GPALPP1: variants seen among roughly 807,000 people sequenced by gnomAD.
The protein encoded by GPALPP1 is GPALPP motifs-containing protein 1.
Under a neutral mutation model 38.9 loss-of-function variants are expected in GPALPP1, and 30 were observed. The ratio of observed to expected loss-of-function variants is 0.77; its 90% confidence interval spans 0.58 to 1.05. GPALPP1 has a LOEUF of 1.05. Among genes scored for constraint, GPALPP1 ranks in the 50% least tolerant of loss-of-function variants. GPALPP1 has a pLI of 0.00. For missense variants in GPALPP1, 384 were observed against 408.8 expected, an observed-to-expected ratio of 0.94 and a Z score of 0.52; for synonymous variants, 120 against 139.2, an observed-to-expected ratio of 0.86 and a Z score of 0.97.
chr13:45,006,367 G>T, intron 3 of GPALPP1, 64 bp downstream of exon 3: 3 of 749,278 alleles, frequency 4.0e-6, no homozygotes, highest in Non-Finnish European at 6.7e-6. Flanking sequence ...AATCTTTAAT[G>T]AATTAAAGAA....
intron 4 of GPALPP1, among the ~76,000 whole-genome samples, 183 bp from the exon 5 acceptor site, chr13:45,014,769 G>T (rs1874713996): frequency 6.6e-6 from 1 of 152,202 alleles, no homozygotes; most frequent in Non-Finnish European, 1.5e-5. Flanking sequence ...TGTCATCTCT[G>T]TGCTAGGCAC....
chr13:45,014,856 G>A (rs1384735118), intron 4 of GPALPP1, 96 bp from the exon 5 acceptor site: 6 of 979,934 alleles, frequency 6.1e-6, no homozygotes, highest in Non-Finnish European at 8.8e-6. Context: ...TATTTTTTAT[G>A]GATAATAAGT....
At chr13:44,996,760 G>A (rs1363588190) in intron 1 of GPALPP1, among the ~76,000 whole-genome samples, 1 of 149,716 alleles carries the variant, frequency 6.7e-6, no homozygotes, top group Non-Finnish European at 1.5e-5. Context: ...TGGGATTACA[G>A]GCGTGAGCCA....
Position 44,989,640 on chromosome 13 carries a change from T to C in GPALPP1, c.-15T>C, listed in dbSNP as rs752586116. 6.2e-7 allele frequency: 1 copy of C among 1,606,362 alleles called. No homozygotes were observed. The highest frequency in any genetic ancestry group is 1.7e-5 in the Admixed American group (1 of 59,946). ...TGGATAGACTCATATCTGTGACCAGTGTCCGCCACCGCGGATGGCAAGAGA... is the reference window on the plus strand; with the variant it reads ...TGGATAGACTCATATCTGTGACCAGCGTCCGCCACCGCGGATGGCAAGAGA... On this transcript the variant is annotated 5_prime_UTR_variant, in exon 1 of 8. Coordinates refer to ENST00000379151, the MANE Select transcript of GPALPP1 (RefSeq NM_018559.5).
chr13:45,035,036 A>G (rs1593414984), downstream of GPALPP1: 2 of 144,150 alleles, frequency 1.4e-5, no homozygotes, highest in Admixed American at 1.4e-4. Context: ...GGCTCACTGC[A>G]AGCTCCGCCT....
At chr13:45,022,286 TA>T (rs1875485079) in intron 7 of GPALPP1, among the ~76,000 whole-genome samples, 2 of 152,220 alleles carry the variant, frequency 1.3e-5, no homozygotes, top group South Asian at 4.1e-4. Flanking sequence ...ATAGTCGGAA[TA>T]GGGGTATGGA....
At chr13:45,004,266 A>C in intron 1 of GPALPP1, 39 bp from the exon 2 acceptor site, 1 of 1,568,410 alleles carries the variant, frequency 6.4e-7, no homozygotes, top group South Asian at 1.1e-5. Context: ...TCATTGAAAC[A>C]GTAGTGGCTA....
intron 1 of GPALPP1, among the ~76,000 whole-genome samples, chr13:44,994,771 G>A (rs952273896): frequency 6.6e-6 from 1 of 152,006 alleles, no homozygotes; most frequent in Non-Finnish European, 1.5e-5. Context: ...TTTTGTTGTT[G>A]TTGTTGATTT....
At chr13:45,016,227 G>A (rs1427208015) in intron 6 of GPALPP1, among the ~76,000 whole-genome samples, 1 of 152,272 alleles carries the variant, frequency 6.6e-6, no homozygotes, top group South Asian at 2.1e-4. Context: ...CCAAGGCAGG[G>A]CGGATCACCT....
intron 1 of GPALPP1, among the ~76,000 whole-genome samples, chr13:44,992,725 A>G (rs1273913514): frequency 3.3e-5 from 5 of 152,198 alleles, no homozygotes; most frequent in Admixed American, 6.5e-5. Context: ...TTTCACCACT[A>G]TCACCTTCCT....
intron 7 of GPALPP1, among the ~76,000 whole-genome samples, chr13:45,025,424 T>A (rs975827367): frequency 3.3e-5 from 5 of 152,204 alleles, no homozygotes; most frequent in African/African-American, 9.6e-5. Context: ...AAATAAGATC[T>A]TTCCAAGTCT....
At chr13:45,022,524 A>G (rs1021231642) in intron 7 of GPALPP1, among the ~76,000 whole-genome samples, 1 of 152,182 alleles carries the variant, frequency 6.6e-6, no homozygotes, top group Non-Finnish European at 1.5e-5. Flanking sequence ...AAATGCATCC[A>G]AAAAATTAGG....
At chr13:45,032,736 A>G (rs1427351491), downstream of GPALPP1, among the ~76,000 whole-genome samples, 2 of 143,872 alleles carry the variant, frequency 1.4e-5, no homozygotes, top group African/African-American at 5.0e-5. Context: ...CGATTTATTT[A>G]GAAGTGAGGT....
At chr13:44,989,825 C>A (rs1002865497) in intron 1 of GPALPP1, 83 bp downstream of exon 1, 4 of 1,090,986 alleles carry the variant, frequency 3.7e-6, no homozygotes, top group Non-Finnish European at 4.1e-6. Context: ...AAGTCGGAGG[C>A]CTAGGAGGGC....
intron 7 of GPALPP1, 139 bp from the exon 8 acceptor site, chr13:45,027,646 G>GA (rs60327744): frequency 0.09 from 36,932 of 409,624 alleles, no homozygotes; most frequent in Middle Eastern, 0.11. Flanking sequence ...CTTGGATTTG[G>GA]AAAAAAAAAA....
At position 44,989,742 on chromosome 13, in the gene GPALPP1, G is replaced by C; in HGVS notation, c.88G>C (p.Val30Leu). 1.2e-6 allele frequency: 2 copies of C among 1,605,568 alleles called. No individual in the cohort carries two copies. The highest frequency in any genetic ancestry group is 1.7e-6 in the Non-Finnish European group (2 of 1,178,078). ...GGACGAAGAGCGGGACCCGAGCCCT[G>C]GTAAGCGGCGGCGTCTCCGCTGCCC... ...AEDEERDPSP[V>L]AGPALPPNYK... The change falls in exon 1 of 8, where the codon GTT becomes CTT. Residue 30 changes from valine to leucine, a missense_variant and splice_region_variant. Coordinates refer to ENST00000379151, the MANE Select transcript of GPALPP1 (RefSeq NM_018559.5).
intron 4 of GPALPP1, among the ~76,000 whole-genome samples, chr13:45,014,327 TG>T (rs1874681608): frequency 6.6e-6 from 1 of 152,200 alleles, no homozygotes; most frequent in Non-Finnish European, 1.5e-5. Flanking sequence ...AGCTTACTAT[TG>T]TAGATATAAG....
chr13:44,992,886 A>G (rs1212087137), intron 1 of GPALPP1, among the ~76,000 whole-genome samples: 1 of 152,186 alleles, frequency 6.6e-6, no homozygotes, highest in Non-Finnish European at 1.5e-5. Flanking sequence ...ACCACCATCC[A>G]TCTCTAGAAC....
In GPALPP1 at chr13:44,994,353, C is replaced by T. The variant is rs898960284; in HGVS notation, c.88+4611C>T. Among the ~76,000 whole-genome samples the T allele has an allele frequency of 6.6e-5, 10 of 151,890 alleles. No homozygotes were observed. The South Asian group carries it at 8.3e-4, about 13-fold the overall frequency. On this transcript the variant is annotated intron_variant, in intron 1 of 7. Transcript: ENST00000379151. Reference sequence around the variant, plus strand: ...ATCCCAGCACTTTGGGAGGCCGAGGCGGGCGGATCACCTGAGGTCAGGAAT... The same window carrying T: ...ATCCCAGCACTTTGGGAGGCCGAGGTGGGCGGATCACCTGAGGTCAGGAAT...
Sources: allele counts gnomAD v4.1 joint callset (sites outside exome capture counted in the v4.1 genomes callset), GRCh38; gene constraint gnomAD v4.1.1; transcripts MANE v1.5; gene names NCBI Gene and HGNC (gene_info 2026-07-23, HGNC 2026-07-21).